The following TP53BP2 variants were observed in gnomAD, a reference collection of about 807,000 sequenced individuals.
TP53BP2 encodes apoptosis-stimulating of p53 protein 2.
Under a neutral mutation model 126.2 loss-of-function variants are expected in TP53BP2, and 62 were observed. That is an observed-to-expected ratio of 0.49 (90% CI 0.40 to 0.61). TP53BP2 has a LOEUF of 0.61. Ranked by LOEUF, TP53BP2 falls within the 20% of genes least tolerant of loss-of-function variation. The pLI, the probability that TP53BP2 is intolerant of heterozygous loss-of-function variation, is 0.00. For synonymous variants in TP53BP2, 485 were observed against 502.9 expected (o/e 0.96, Z 0.48); for missense variants, 1,215 against 1,402.8 (o/e 0.87, Z 2.14).
At chr1:223,837,291 C>A (rs1663956216) in intron 1 of TP53BP2, among the ~76,000 whole-genome samples, 2 of 152,062 alleles carry the variant, frequency 1.3e-5, no homozygotes, top group African/African-American at 2.4e-5. Context: ...AAACCTGATA[C>A]ACCCTACTCA....
In TP53BP2 at chr1:223,796,438, G is replaced by T; in HGVS notation, c.2101C>A (p.Arg701=). Residue 701 remains arginine, a synonymous_variant, in exon 13 of 18, where the codon CGG becomes AGG. Transcript: ENST00000343537. This position sits in a 1 kb window ranked among gnomAD's most constrained non-coding sequence, Gnocchi z 4.2. ...QENHENERIP[R]PLSPTKLLPF... ...AGTAATTTAGTTGGGCTGAGTGGCC[G>T]AGGAATTCTTTCGTTTTCATGGTTC... The T allele has an allele frequency of 6.2e-7, 1 of 1,614,176 alleles. No homozygotes were observed. Among genetic ancestry groups the T allele is most frequent in the South Asian group, 1.1e-5 (1 of 91,074 alleles).
intron 12 of TP53BP2, 96 bp downstream of exon 12, chr1:223,798,119 C>A: frequency 8.1e-7 from 1 of 1,239,170 alleles, no homozygotes; most frequent in South Asian, 1.4e-5. Flanking sequence ...TAGCGTCAGT[C>A]AAAATAGGGA....
intron 1 of TP53BP2, among the ~76,000 whole-genome samples, chr1:223,827,022 A>G (rs1327871550): frequency 2.0e-5 from 3 of 152,162 alleles, no homozygotes; most frequent in Non-Finnish European, 4.4e-5. Flanking sequence ...CAAAGTGAGG[A>G]AGGAGGAACA....
chr1:223,807,261 A>G (rs899579023), intron 4 of TP53BP2, among the ~76,000 whole-genome samples: 2 of 152,230 alleles, frequency 1.3e-5, no homozygotes, highest in African/African-American at 2.4e-5. Context: ...TCTGTAATTT[A>G]TATTACAACA....
intron 13 of TP53BP2, among the ~76,000 whole-genome samples, chr1:223,795,505 G>A (rs188893064): frequency 1.6e-4 from 25 of 152,248 alleles, no homozygotes; most frequent in Non-Finnish European, 3.2e-4. Context: ...TCAAACCCAG[G>A]TCTTTTGAGT....
rs145654822 is a variant in TP53BP2 at position 223,789,141 on chromosome 1, G to A, written c.3030C>T (p.Asn1010=). ...CCACCAAAAACTTACACACTTGGAC[G>A]TTGTTACATGAGGCAGCACAATGTA... ...TPLHCAASCN[N]VQVCKFLVES... Residue 1010 remains asparagine (N), a synonymous_variant, in exon 16 of 18, where the codon AAC becomes AAT. Transcript: ENST00000343537. The A allele has an allele frequency of 4.0e-5, 65 of 1,614,168 alleles. No individual in the cohort carries two copies. Among genetic ancestry groups the A allele is most frequent in the East Asian group, 2.7e-4 (12 of 44,890 alleles).
chr1:223,784,104 G>A lies in TP53BP2; in HGVS notation c.3363+11C>T. 1 of 1,613,012 alleles carries A rather than the reference G, an allele frequency of 6.2e-7. No homozygotes were observed. Among genetic ancestry groups the A allele is most frequent in the Non-Finnish European group, 8.5e-7 (1 of 1,178,998 alleles). ...ACATATGAAAACACCGTAAGCGTCA[G>A]AATAACTTACTCCCAGCAAGTTACG... On this transcript the variant is annotated intron_variant, in intron 17 of 17. Transcript: ENST00000343537.
chr1:223,787,716 A>G (rs1367351695), intron 16 of TP53BP2, among the ~76,000 whole-genome samples: 1 of 152,086 alleles, frequency 6.6e-6, no homozygotes. Context: ...CATCTCTACT[A>G]AAAATACAAA....
rs1662555955 is a variant in TP53BP2, at chr1:223,802,343, A to T, written c.998T>A (p.Val333Asp). The T allele has an allele frequency of 3.7e-6, 6 of 1,613,644 alleles. No individual in the cohort carries two copies. Among genetic ancestry groups the T allele is most frequent in the Non-Finnish European group, 5.1e-6 (6 of 1,179,856 alleles). Residue 333 changes from valine (V) to aspartate (D), a missense_variant and splice_region_variant, in exon 9 of 18, where the codon GTT (valine) becomes GAT (aspartate). Transcript: ENST00000343537. ...CTGGGGAAGATTTCCATCAGATGAA[A>T]CCTTAGGAAAGAAGCACAGGTCCTT... ...AALQQKENLP[V>D]SSDGNLPQQA...
chr1:223,799,543 T>G (rs1461919912), intron 11 of TP53BP2, among the ~76,000 whole-genome samples: 1 of 152,228 alleles, frequency 6.6e-6, no homozygotes, highest in Non-Finnish European at 1.5e-5. Context: ...ATAACCTGGT[T>G]ATCAAGGATT....
Position 223,845,231 on chromosome 1 carries a change from G to C in TP53BP2, c.27+423C>G, listed in dbSNP as rs2102897968. Reference sequence around the variant, plus strand: ...GAAATTCAATTAAAAACAAAGCAAAGGTACCCGTTCCAGTAACGTATGTTT... The same window carrying C: ...GAAATTCAATTAAAAACAAAGCAAACGTACCCGTTCCAGTAACGTATGTTT... On this transcript the variant is annotated intron_variant, in intron 1 of 17. Coordinates refer to ENST00000343537, the MANE Select transcript of TP53BP2 (RefSeq NM_001031685.3). 4 of 985,060 alleles carry C rather than the reference G, an allele frequency of 4.1e-6. No individual in the cohort carries two copies. The African/African-American group carries it at 5.2e-5, about 13-fold the overall frequency. The allele number at this position is 985,060 out of a possible 1,614,324, so 61.0% of individuals were successfully genotyped here. A position where few individuals can be genotyped will look rare whatever the true frequency, so the allele number is the denominator to read the frequency against.
intron 1 of TP53BP2, among the ~76,000 whole-genome samples, chr1:223,836,780 T>C (rs1663937539): frequency 6.6e-6 from 1 of 151,532 alleles, no homozygotes. Context: ...AGAAGAGGGA[T>C]CTGTGTGCCC....
At chr1:223,815,220 G>C (rs1663045048) in intron 2 of TP53BP2, among the ~76,000 whole-genome samples, 1 of 152,072 alleles carries the variant, frequency 6.6e-6, no homozygotes, top group Non-Finnish European at 1.5e-5. Flanking sequence ...AATAAACATG[G>C]GCAGAGAACA....
rs1428031610 is a variant in TP53BP2, at chr1:223,795,918, G to T, written c.2621C>A (p.Pro874Gln). The T allele has an allele frequency of 6.8e-6, 11 of 1,614,038 alleles. No homozygotes were observed. The highest frequency in any genetic ancestry group is 9.3e-6 in the Non-Finnish European group (11 of 1,179,974). ...AGATGGGTATGGTGGGGGTGGGTAT[G>T]GAGGGTACTCCTCCAGGTACACATC... ...VLDVYLEEYP[P>Q]YPPPPYPSGE... Residue 874 changes from proline (P) to glutamine (Q), a missense_variant, in exon 13 of 18, where the codon CCA becomes CAA. Coordinates refer to ENST00000343537, the MANE Select transcript of TP53BP2 (RefSeq NM_001031685.3).
In TP53BP2 at chr1:223,802,212, G is replaced by C. The variant is rs763823755; in HGVS notation, c.1129C>G (p.Leu377Val). ...TGAATGACCAAGGAACCATCCGGCA[G>C]GGCTGGCTTCACCAGCAATTCAGGC... Reference protein sequence around the residue: ...SRPELLVKPALPDGSLVIQAS... With the variant: ...SRPELLVKPAVPDGSLVIQAS... The change falls in exon 9 of 18, where the codon CTG becomes GTG. Residue 377 changes from leucine (L) to valine (V), a missense_variant. Physicochemically the swap from Leu to Val is conservative, Grantham distance 32. Transcript: ENST00000343537. 2.7e-5 allele frequency: 43 copies of C among 1,614,078 alleles called. No individual in the cohort carries two copies. Among genetic ancestry groups the C allele is most frequent in the Non-Finnish European group, 3.6e-5 (43 of 1,180,036 alleles).
At chr1:223,835,256 C>T (rs1183131601) in intron 1 of TP53BP2, among the ~76,000 whole-genome samples, 1 of 152,178 alleles carries the variant, frequency 6.6e-6, no homozygotes, top group Non-Finnish European at 1.5e-5. Context: ...AATTAAGAAA[C>T]CTTTTCTCTT....
intron 1 of TP53BP2, among the ~76,000 whole-genome samples, chr1:223,836,156 C>T (rs757878336): frequency 2.0e-5 from 3 of 152,190 alleles, no homozygotes; most frequent in Non-Finnish European, 4.4e-5. Context: ...ACCCACAAGC[C>T]ACGAATGTGC....
intron 1 of TP53BP2, among the ~76,000 whole-genome samples, chr1:223,841,248 GAAAT>G (rs150151337): frequency 5.4e-5 from 8 of 146,908 alleles, no homozygotes; most frequent in Admixed American, 1.3e-4. Flanking sequence ...TCCGTCTCAA[GAAAT>G]AAATAAATAA....
chr1:223,786,581 CGTGTGTGTGT>C (rs61533251), intron 16 of TP53BP2, among the ~76,000 whole-genome samples: 4 of 144,500 alleles, frequency 2.8e-5, no homozygotes, highest in East Asian at 4.0e-4. Context: ...TGCGTGTGTG[CGTGTGTGTGT>C]GTGTGTGTGT....
Sources: gnomAD v4.1 joint callset for allele counts (sites outside exome capture counted in the v4.1 genomes callset) on GRCh38, gnomAD v4.1.1 for gene constraint, Gnocchi (gnomAD v3.1) non-coding constraint, MANE v1.5 for transcripts, NCBI Gene and HGNC (gene_info 2026-07-23, HGNC 2026-07-21) for gene names.